RBFOX1: variants seen among roughly 807,000 people sequenced by gnomAD.
RBFOX1 encodes RNA binding protein fox-1 homolog 1.
A neutral mutation model predicts 57.7 loss-of-function variants in RBFOX1; 8 were observed. The observed-to-expected ratio is 0.14, with a 90% CI of 0.08 to 0.25. The LOEUF (loss-of-function observed/expected upper bound fraction) is 0.25, where lower values mean the gene tolerates loss of function less well. Among genes scored for constraint, RBFOX1 ranks in the 10% least tolerant of loss-of-function variants. The pLI is 1.00. For missense variants in RBFOX1, 611 were observed against 548.5 expected (o/e 1.11, Z -1.14); for synonymous variants, 326 against 222.4 (o/e 1.47, Z -4.15).
At position 5,745,173 on chromosome 16, in the gene RBFOX1, T is replaced by A. The variant is rs533378375; in HGVS notation, c.319-122130T>A. ...GTTCTCATTGTTCAATTCCCACCTA[T>A]AAGTGAGAACATGCAGTGTTTGGTT... is the stretch of plus-strand genomic sequence containing the variant. On this transcript the variant is annotated intron_variant, in intron 3 of 19. Transcript: ENST00000641259. Among the ~76,000 whole-genome samples the A allele has an allele frequency of 2.0e-5, 3 of 152,284 alleles. No homozygotes were observed. In the South Asian group the frequency reaches 6.2e-4, roughly 32 times the overall value.
intron 6 of RBFOX1, among the ~76,000 whole-genome samples, chr16:7,583,942 G>A (rs545345860): frequency 6.6e-6 from 1 of 152,282 alleles, no homozygotes; most frequent in East Asian, 1.9e-4. Context: ...CACATGCAAA[G>A]GAAGATTTCA....
At position 6,798,405 on chromosome 16, in the gene RBFOX1, C is replaced by T. The variant is rs188614699; in HGVS notation, c.-16+143755C>T. 3.0e-3 allele frequency among the ~76,000 whole-genome samples: 464 copies of T among 152,242 alleles called. 3 individuals carry two copies. Among genetic ancestry groups the T allele is most frequent in the Non-Finnish European group, 1.6e-3 (110 of 68,020 alleles). On this transcript the variant is annotated intron_variant, in intron 3 of 15. Transcript: ENST00000550418. Reference sequence around the variant, plus strand: ...GAGACAGAAGAAGTAGAGGCTATCACCAGGTGGTCCTGCTTAATAGATAGG... The same window carrying T: ...GAGACAGAAGAAGTAGAGGCTATCATCAGGTGGTCCTGCTTAATAGATAGG...
At chr16:7,286,925 G>A (rs973401949) in intron 4 of RBFOX1, among the ~76,000 whole-genome samples, 1 of 152,128 alleles carries the variant, frequency 6.6e-6, no homozygotes, top group Admixed American at 6.6e-5. Flanking sequence ...CACCATGCCT[G>A]GCCCTGGGCT....
intron 4 of RBFOX1, among the ~76,000 whole-genome samples, chr16:7,327,843 A>G (rs956949691): frequency 1.3e-5 from 2 of 151,732 alleles, no homozygotes; most frequent in African/African-American, 2.4e-5. Flanking sequence ...CAGACAAATC[A>G]TTATCATGAT....
intron 4 of RBFOX1, among the ~76,000 whole-genome samples, chr16:7,387,600 G>A (rs531211174): frequency 1.2e-4 from 18 of 152,220 alleles, no homozygotes; most frequent in Middle Eastern, 3.4e-3. Context: ...GAGGTTCTTC[G>A]AATGTATGGT....
At chr16:7,185,659 G>A (rs904499713) in intron 4 of RBFOX1, among the ~76,000 whole-genome samples, 5 of 152,132 alleles carry the variant, frequency 3.3e-5, no homozygotes, top group African/African-American at 4.8e-5. Context: ...TTTAGTTTGC[G>A]GAGATAGGCC....
chr16:6,688,080 T>A (rs1266816867), intron 3 of RBFOX1, among the ~76,000 whole-genome samples: 1 of 151,996 alleles, frequency 6.6e-6, no homozygotes, highest in Non-Finnish European at 1.5e-5. Context: ...TGAGACTGGG[T>A]AATTTACAAA....
At chr16:5,422,114 A>G (rs2067347319) in intron 1 of RBFOX1, among the ~76,000 whole-genome samples, 1 of 152,188 alleles carries the variant, frequency 6.6e-6, no homozygotes, top group Admixed American at 6.5e-5. Flanking sequence ...CCATGCGAAT[A>G]AAAGTACTAG....
At chr16:5,502,628 A>G (rs549726386) in intron 2 of RBFOX1, among the ~76,000 whole-genome samples, 1 of 152,190 alleles carries the variant, frequency 6.6e-6, no homozygotes, top group Non-Finnish European at 1.5e-5. Context: ...AGGCGCCTCC[A>G]GCCTCTGTTA....
intron 1 of RBFOX1, among the ~76,000 whole-genome samples, chr16:5,395,041 G>A (rs1239963559): frequency 2.6e-5 from 4 of 152,116 alleles, no homozygotes; most frequent in Non-Finnish European, 5.9e-5. Context: ...CCAGGTGCTC[G>A]ACACCCTTCA....
At chr16:5,726,438 G>T (rs973513317) in intron 3 of RBFOX1, among the ~76,000 whole-genome samples, 1 of 152,140 alleles carries the variant, frequency 6.6e-6, no homozygotes, top group South Asian at 2.1e-4. Flanking sequence ...CCATTGCCAA[G>T]GTCGCCACCA....
At chr16:6,484,499 G>C (rs2095432188) in intron 2 of RBFOX1, among the ~76,000 whole-genome samples, 1 of 152,026 alleles carries the variant, frequency 6.6e-6, no homozygotes, top group African/African-American at 2.4e-5. Context: ...AGATCAAATG[G>C]GAGAAATGTG....
chr16:7,160,079 A>C (rs899314259), intron 4 of RBFOX1, among the ~76,000 whole-genome samples: 2 of 152,186 alleles, frequency 1.3e-5, no homozygotes, highest in Non-Finnish European at 2.9e-5. Flanking sequence ...AGGGACTCAT[A>C]ACAGTATTAG....
At chr16:7,566,760 C>T (rs12922392) in intron 5 of RBFOX1, among the ~76,000 whole-genome samples, 59,415 of 151,928 alleles carry the variant, frequency 0.39, 12,127 homozygotes, top group South Asian at 0.54. Flanking sequence ...TGTCTTAACT[C>T]AGGATAGGGG....
intron 3 of RBFOX1, among the ~76,000 whole-genome samples, chr16:6,715,338 G>C (rs1373538400): frequency 6.6e-6 from 1 of 151,966 alleles, no homozygotes; most frequent in Non-Finnish European, 1.5e-5. Context: ...CTGGGACCAG[G>C]GTGCGGAGGG....
At chr16:7,514,658 G>A (rs2075956317) in intron 4 of RBFOX1, among the ~76,000 whole-genome samples, 2 of 152,066 alleles carry the variant, frequency 1.3e-5, no homozygotes, top group African/African-American at 2.4e-5. Flanking sequence ...TGGGCAAGGG[G>A]GTAGGTGAGG....
At chr16:7,140,153 TCTCC>T (rs200593300) in intron 4 of RBFOX1, among the ~76,000 whole-genome samples, 2,913 of 126,572 alleles carry the variant, frequency 0.023, 165 homozygotes, top group African/African-American at 0.1. Context: ...TCTCTCCTTC[TCTCC>T]CTCTCTCTCT....
At chr16:6,206,344 G>T (rs1176381698) in intron 1 of RBFOX1, among the ~76,000 whole-genome samples, 1 of 152,140 alleles carries the variant, frequency 6.6e-6, no homozygotes, top group African/African-American at 2.4e-5. Context: ...GGAATCTGCT[G>T]AAGCATCATG....
At chr16:6,592,799 G>T (rs2097730464) in intron 2 of RBFOX1, among the ~76,000 whole-genome samples, 2 of 152,116 alleles carry the variant, frequency 1.3e-5, no homozygotes, top group African/African-American at 4.8e-5. Context: ...ATGTTCCCTG[G>T]ACATTAAAAT....
Sources: gnomAD v4.1 joint callset for allele counts (sites outside exome capture counted in the v4.1 genomes callset) on GRCh38, gnomAD v4.1.1 for gene constraint, MANE v1.5 for transcripts, NCBI Gene and HGNC (gene_info 2026-07-23, HGNC 2026-07-21) for gene names.